Variants in ADAM22 observed in about 807,000 individuals in gnomAD.
ADAM22 encodes disintegrin and metalloproteinase domain-containing protein 22.
In ADAM22, 65 loss-of-function variants were observed where a neutral mutation model predicts 144.6. The ratio of observed to expected loss-of-function variants is 0.45; its 90% CI spans 0.37 to 0.55. The LOEUF (loss-of-function observed/expected upper bound fraction) is 0.55. Ranked by LOEUF, ADAM22 falls within the 20% of genes least tolerant of loss-of-function variation. The probability of loss-of-function intolerance (pLI) is 0.00; values close to 1 mark genes in which losing one functional copy is unlikely to be tolerated. For synonymous variants in ADAM22, 391 were observed against 412.6 expected, an observed-to-expected ratio of 0.95 and a Z score of 0.63; for missense variants, 974 against 1,184.9, an observed-to-expected ratio of 0.82 and a Z score of 2.61.
At chr7:88,007,028 T>A (rs1794057721) in intron 3 of ADAM22, among the ~76,000 whole-genome samples, 2 of 152,200 alleles carry the variant, frequency 1.3e-5, no homozygotes. Flanking sequence ...AAAATCTCCT[T>A]AAGTTGTTAA....
At chr7:87,941,308 G>A (rs561570335) in intron 2 of ADAM22, among the ~76,000 whole-genome samples, 1 of 152,312 alleles carries the variant, frequency 6.6e-6, no homozygotes, top group Non-Finnish European at 1.5e-5. Flanking sequence ...ATGGCAAGCA[G>A]TAGGTGTGCT....
At chr7:88,080,925 G>C (rs1816379423) in intron 4 of ADAM22, among the ~76,000 whole-genome samples, 1 of 152,116 alleles carries the variant, frequency 6.6e-6, no homozygotes, top group Admixed American at 6.6e-5. Context: ...AGGAGGAACT[G>C]GTACCATTCC....
intron 3 of ADAM22, among the ~76,000 whole-genome samples, chr7:88,066,897 C>A (rs145563102): frequency 7.9e-5 from 12 of 152,000 alleles, no homozygotes; most frequent in Admixed American, 2.6e-4. Context: ...TTAGATTTAA[C>A]GATATAGAGG....
In ADAM22 at chr7:88,051,160, A is replaced by G. The variant is rs577095166; in HGVS notation, c.324-24466A>G. ...CAGTGTGGCAATTCCTCAAGGATCT[A>G]GAACTAGAAATACCATTTGACCCAG... is the stretch of plus-strand genomic sequence containing the variant. On this transcript the variant is annotated intron_variant, in intron 3 of 31. Coordinates refer to ENST00000413139, the MANE Select transcript of ADAM22 (RefSeq NM_001324418.2). Among the ~76,000 whole-genome samples the G allele has an allele frequency of 5.9e-5, 9 of 152,338 alleles. No homozygotes were observed. The South Asian group carries it at 1.9e-3, about 32-fold the overall frequency.
intron 4 of ADAM22, among the ~76,000 whole-genome samples, chr7:88,081,302 A>T (rs1458562891): frequency 6.6e-6 from 1 of 152,174 alleles, no homozygotes; most frequent in Non-Finnish European, 1.5e-5. Context: ...CCTTCATGCT[A>T]AAAACTCTCA....
At chr7:88,133,579 A>G (rs1370783788) in intron 12 of ADAM22, among the ~76,000 whole-genome samples, 1 of 152,052 alleles carries the variant, frequency 6.6e-6, no homozygotes, top group Non-Finnish European at 1.5e-5. Context: ...TTCATTGAAA[A>G]TAAGGCCCTA....
At chr7:87,971,705 G>A (rs562213627) in intron 2 of ADAM22, among the ~76,000 whole-genome samples, 6 of 152,230 alleles carry the variant, frequency 3.9e-5, no homozygotes, top group African/African-American at 1.4e-4. Context: ...CCCCACCAAA[G>A]GAAATTCTTG....
intron 3 of ADAM22, among the ~76,000 whole-genome samples, chr7:88,052,976 T>C (rs1806926806): frequency 6.6e-6 from 1 of 152,186 alleles, no homozygotes; most frequent in Non-Finnish European, 1.5e-5. Context: ...AATGTATTTA[T>C]TTTTTTGAAA....
At chr7:87,954,672 G>A (rs1280656676) in intron 2 of ADAM22, among the ~76,000 whole-genome samples, 1 of 152,048 alleles carries the variant, frequency 6.6e-6, no homozygotes, top group Non-Finnish European at 1.5e-5. Context: ...TGTATTTCCT[G>A]AATCTGAATG....
chr7:88,145,772 G>T (rs963134614), intron 17 of ADAM22, among the ~76,000 whole-genome samples: 2 of 152,068 alleles, frequency 1.3e-5, no homozygotes, highest in Non-Finnish European at 2.9e-5. Flanking sequence ...GGGAACTAGG[G>T]CCTGAACCCT....
intron 4 of ADAM22, among the ~76,000 whole-genome samples, chr7:88,091,950 C>G (rs530428414): frequency 6.6e-6 from 1 of 152,020 alleles, no homozygotes; most frequent in South Asian, 2.1e-4. Flanking sequence ...TAAAGACTCC[C>G]CCACCCCCCG....
chr7:87,986,856 A>T lies in ADAM22; in HGVS notation c.323+8444A>T, dbSNP rs532636591. ...TGAGCCTGTTATTTAAATTGTAAAT[A>T]AAATAATTGCAGAATTATTTAATAT... is the stretch of plus-strand genomic sequence containing the variant. On this transcript the variant is annotated intron_variant, in intron 3 of 31. Coordinates refer to ENST00000413139, the MANE Select transcript of ADAM22 (RefSeq NM_001324418.2). Among the ~76,000 whole-genome samples, 11 of 152,314 alleles carry T rather than the reference A, an allele frequency of 7.2e-5. 1 individual carries two copies. The highest frequency in any genetic ancestry group is 2.6e-4 in the African/African-American group (11 of 41,566).
intron 14 of ADAM22, among the ~76,000 whole-genome samples, chr7:88,137,475 T>G (rs1833285506): frequency 6.6e-6 from 1 of 152,188 alleles, no homozygotes; most frequent in African/African-American, 2.4e-5. Context: ...TACATAGATT[T>G]TCAGCTTCTT....
intron 2 of ADAM22, among the ~76,000 whole-genome samples, chr7:87,935,747 G>C (rs10272874): frequency 0.25 from 38,534 of 152,118 alleles, 6,482 homozygotes; most frequent in African/African-American, 0.47. Context: ...GTCCTCCTCC[G>C]ACTTTCTTTA....
chr7:87,946,023 T>C (rs1843607032), intron 2 of ADAM22, among the ~76,000 whole-genome samples: 1 of 151,486 alleles, frequency 6.6e-6, no homozygotes, highest in African/African-American at 2.4e-5. Context: ...TTCCCTTTTC[T>C]CCTTACCCTC....
At chr7:88,181,407 T>C (rs535006283) in intron 27 of ADAM22, 98 bp from the exon 28 acceptor site, 1 of 898,720 alleles carries the variant, frequency 1.1e-6, no homozygotes, top group African/African-American at 1.7e-5. Flanking sequence ...TGATTTATTT[T>C]ATTTAATGCA....
At chr7:88,088,522 A>AAAAC (rs1447542691) in intron 4 of ADAM22, among the ~76,000 whole-genome samples, 1 of 151,634 alleles carries the variant, frequency 6.6e-6, no homozygotes, top group Non-Finnish European at 1.5e-5. Context: ...AAAAAAAAAA[A>AAAAC]ACACTAGTAG....
At chr7:88,111,486 G>A (rs2129488344) in intron 5 of ADAM22, among the ~76,000 whole-genome samples, 1 of 152,154 alleles carries the variant, frequency 6.6e-6, no homozygotes, top group South Asian at 2.1e-4. Context: ...TGGAGTCAAA[G>A]GACTAATAGG....
chr7:87,996,737 A>G (rs1791329465), intron 3 of ADAM22, among the ~76,000 whole-genome samples: 1 of 152,266 alleles, frequency 6.6e-6, no homozygotes, highest in Non-Finnish European at 1.5e-5. Flanking sequence ...GTATCTATCA[A>G]CATGAGAGGC....
Sources: gnomAD v4.1 joint callset for allele counts (sites outside exome capture counted in the v4.1 genomes callset) on GRCh38, gnomAD v4.1.1 for gene constraint, MANE v1.5 for transcripts, NCBI Gene and HGNC (gene_info 2026-07-23, HGNC 2026-07-21) for gene names.